Variants in SPC24 observed in about 807,000 individuals in gnomAD.
The protein encoded by SPC24 is kinetochore protein Spc24.
Under a neutral mutation model 27.6 loss-of-function variants are expected in SPC24, and 31 were observed. That is an observed-to-expected ratio of 1.12 (90% CI 0.84 to 1.52). SPC24 has a LOEUF of 1.52. Ranked by LOEUF, SPC24 falls within the 40% of genes most tolerant of loss-of-function variation. SPC24 has a pLI of 0.00. For synonymous variants in SPC24, 105 were observed against 105.8 expected (o/e 0.99, Z 0.05); for missense variants, 284 against 252.5 (o/e 1.12, Z -0.84).
At position 11,145,637 on chromosome 19, in the gene SPC24, C is replaced by A. The variant is rs1384156589; in HGVS notation, c.*1546G>T. 6.6e-6 allele frequency: 1 copy of A among 152,174 alleles called. No homozygotes were observed. The highest frequency in any genetic ancestry group is 2.4e-5 in the African/African-American group (1 of 41,438). 9.4% of individuals were successfully genotyped at this position (152,174 alleles called of 1,614,324 possible). On this transcript the variant is annotated 3_prime_UTR_variant, in exon 5 of 5. Transcript: ENST00000592540. ...AGTTTGTGCTGATATCTGGCTCTGCCATCATCAGGGAACCAGGCTCCTGTC... is the reference window on the plus strand; with the variant it reads ...AGTTTGTGCTGATATCTGGCTCTGCAATCATCAGGGAACCAGGCTCCTGTC...
intron 1 of SPC24, among the ~76,000 whole-genome samples, chr19:11,153,849 T>G (rs918880478): frequency 6.6e-6 from 1 of 150,756 alleles, no homozygotes; most frequent in Admixed American, 6.6e-5. Flanking sequence ...GTGTGGATCA[T>G]GAGGTCAGGA....
rs750768728 is a variant in SPC24 at position 11,155,758 on chromosome 19, T to C, written c.19A>G (p.Ile7Val). MAAFRD[I>V]EEVSQGLLSL... Reference sequence around the variant, plus strand: ...AGCAGCCCCTGGCTCACCTCCTCTATGTCGCGGAAGGCGGCCATGACTACG... The same window carrying C: ...AGCAGCCCCTGGCTCACCTCCTCTACGTCGCGGAAGGCGGCCATGACTACG... The change falls in exon 1 of 5, where the codon ATA becomes GTA. Residue 7 changes from isoleucine to valine, a missense_variant. By Grantham distance (29) the Ile-to-Val change is conservative. Coordinates refer to ENST00000592540, the MANE Select transcript of SPC24 (RefSeq NM_182513.4). 6 of 1,550,796 alleles carry C rather than the reference T, an allele frequency of 3.9e-6. No individual in the cohort carries two copies. Among genetic ancestry groups the C allele is most frequent in the East Asian group, 2.4e-5 (1 of 42,120 alleles).
In SPC24 at chr19:11,155,718, G is replaced by A; in HGVS notation, c.59C>T (p.Ala20Val). Residue 20 changes from alanine (A) to valine (V), a missense_variant, in exon 1 of 5, where the codon GCC (alanine) becomes GTC (valine). Ala to Val is a moderately conservative substitution (Grantham distance 64, BLOSUM62 0). Coordinates refer to ENST00000592540, the MANE Select transcript of SPC24 (RefSeq NM_182513.4). ...VSQGLLSLLGANRAEAQQRRL... is the reference protein window; with the variant it reads ...VSQGLLSLLGVNRAEAQQRRL... ...TCGCTGCTGCGCCTCCGCGCGGTTG[G>A]CGCCCAGCAGGCTGAGCAGCCCCTG... The A allele has an allele frequency of 6.3e-7, 1 of 1,577,094 alleles. No individual in the cohort carries two copies.
In SPC24 at chr19:11,147,757, C is replaced by T. The variant is rs2077837619; in HGVS notation, c.487+61G>A. 2.8e-6 allele frequency: 4 copies of T among 1,454,378 alleles called. No homozygotes were observed. The East Asian group carries it at 9.3e-5, about 34-fold the overall frequency. The allele number at this position is 1,454,378 out of a possible 1,614,324, so 90.1% of individuals were successfully genotyped here. A position where few individuals can be genotyped will look rare whatever the true frequency, so the allele number is the denominator to read the frequency against. On this transcript the variant is annotated intron_variant, in intron 4 of 4. Transcript: ENST00000592540. ...CTAATTTTTACAGGGTCCTGCTATG[C>T]ACCATTTTATGTCCCTACCTACAGT... is the stretch of plus-strand genomic sequence containing the variant.
intron 1 of SPC24, among the ~76,000 whole-genome samples, chr19:11,153,913 T>A (rs28793743): frequency 0.72 from 107,415 of 150,224 alleles, 38,729 homozygotes; most frequent in Non-Finnish European, 0.78. Flanking sequence ...TAAAAAAATA[T>A]ATATAAAAAT....
intron 4 of SPC24, 84 bp downstream of exon 4, chr19:11,147,734 A>G: frequency 7.9e-7 from 1 of 1,273,208 alleles, no homozygotes; most frequent in Admixed American, 2.0e-5. Context: ...ACACCCGGCT[A>G]ATTTTTACAG....
rs921554850 is a variant in SPC24, at chr19:11,147,269, C to G, written c.508G>C (p.Ala170Pro). The G allele has an allele frequency of 2.6e-6, 4 of 1,567,178 alleles. No homozygotes were observed. In the African/African-American group the frequency reaches 5.4e-5, roughly 21 times the overall value. The stretch of plus-strand genomic sequence containing the variant: ...GTGCTGTCCAGGTGGATGGGCTGGG[C>G]CACACTGGGGCCATGATGGACTGAG... ...VKGIHHGPSV[A>P]QPIHLDSTQL... The change falls in exon 5 of 5, where the codon GCC becomes CCC. Residue 170 changes from alanine (A) to proline (P), a missense_variant. By Grantham distance (27) the Ala-to-Pro change is conservative. Coordinates refer to ENST00000592540, the MANE Select transcript of SPC24 (RefSeq NM_182513.4).
chr19:11,148,366 C>T (rs2147314298), intron 2 of SPC24, among the ~76,000 whole-genome samples: 1 of 152,224 alleles, frequency 6.6e-6, no homozygotes, highest in South Asian at 2.1e-4. Flanking sequence ...CACCACCATG[C>T]CCTGCTAATT....
At chr19:11,155,398 A>G (rs1487731608) in intron 1 of SPC24, among the ~76,000 whole-genome samples, 1 of 152,130 alleles carries the variant, frequency 6.6e-6, no homozygotes, top group Non-Finnish European at 1.5e-5. Context: ...CCAGACTCCT[A>G]TATTTACCAC....
In SPC24 at chr19:11,146,479, A is replaced by AAAAAAAAAAAAAAAAAAG. The variant is rs1283117437; in HGVS notation, c.*703_*704insCTTTTTTTTTTTTTTTTT. ...AAGAAATCCAGTAAAAAAAAAAAAAAAAAAGGCCAGGCGCGGTGACTCACA... is the reference window on the plus strand; with the variant it reads ...AAGAAATCCAGTAAAAAAAAAAAAAAAAAAAAAAAAAAAAAAAGAAAAGGCCAGGCGCGGTGACTCACA... On this transcript the variant is annotated 3_prime_UTR_variant, in exon 5 of 5. Coordinates refer to ENST00000592540, the MANE Select transcript of SPC24 (RefSeq NM_182513.4). 1 of 144,072 alleles carries AAAAAAAAAAAAAAAAAAG rather than the reference A, an allele frequency of 6.9e-6. No homozygotes were observed. Among genetic ancestry groups the AAAAAAAAAAAAAAAAAAG allele is most frequent in the Admixed American group, 7.1e-5 (1 of 14,174 alleles). 8.9% of individuals were successfully genotyped at this position (144,072 alleles called of 1,614,324 possible). A position where few individuals can be genotyped will look rare whatever the true frequency, so the allele number is the denominator to read the frequency against.
intron 2 of SPC24, 77 bp downstream of exon 2, chr19:11,149,017 G>A (rs1014401705): frequency 1.2e-5 from 16 of 1,363,438 alleles, no homozygotes; most frequent in African/African-American, 1.5e-5. Context: ...AAAGTGCTGG[G>A]ATTACAGGCT....
rs1255657612 is a variant in SPC24 at position 11,146,464 on chromosome 19, G to GGAAAAAAAA, written c.*718_*719insTTTTTTTTC. The GGAAAAAAAA allele has an allele frequency of 9.5e-5, 1 of 10,544 alleles. No individual in the cohort carries two copies. The highest frequency in any genetic ancestry group is 3.7e-4 in the Non-Finnish European group (1 of 2,714). The allele number at this position is 10,544 out of a possible 1,614,324, so 0.7% of individuals were successfully genotyped here. On this transcript the variant is annotated 3_prime_UTR_variant, in exon 5 of 5. Transcript: ENST00000592540. Reference sequence around the variant, plus strand: ...GAAAATCAGGAGAAAAAGAAATCCAGTAAAAAAAAAAAAAAAAAAGGCCAG... The same window carrying GGAAAAAAAA: ...GAAAATCAGGAGAAAAAGAAATCCAGGAAAAAAAATAAAAAAAAAAAAAAAAAAGGCCAG...
intron 1 of SPC24, among the ~76,000 whole-genome samples, chr19:11,149,945 C>T (rs1339551101): frequency 6.6e-6 from 1 of 151,316 alleles, no homozygotes; most frequent in Admixed American, 6.6e-5. Flanking sequence ...CTGCTGACCT[C>T]GTGATCCACC....
chr19:11,153,852 G>A (rs1048505856), intron 1 of SPC24, among the ~76,000 whole-genome samples: 1 of 151,534 alleles, frequency 6.6e-6, no homozygotes, highest in Admixed American at 6.6e-5. Flanking sequence ...TGGATCATGA[G>A]GTCAGGAGAT....
Position 11,147,271 on chromosome 19 carries a change from A to T in SPC24, c.506T>A (p.Val169Glu). Residue 169 changes from valine to glutamate, a missense_variant, in exon 5 of 5, where the codon GTG becomes GAG. Transcript: ENST00000592540. ...GCTGTCCAGGTGGATGGGCTGGGCCACACTGGGGCCATGATGGACTGAGGC... is the reference window on the plus strand; with the variant it reads ...GCTGTCCAGGTGGATGGGCTGGGCCTCACTGGGGCCATGATGGACTGAGGC... Reference protein sequence around the residue: ...MVKGIHHGPSVAQPIHLDSTQ... With the variant: ...MVKGIHHGPSEAQPIHLDSTQ... 6.4e-7 allele frequency: 1 copy of T among 1,567,284 alleles called. No homozygotes were observed. Among genetic ancestry groups the T allele is most frequent in the Non-Finnish European group, 8.7e-7 (1 of 1,155,312 alleles).
At chr19:11,147,358 C>T (rs1600785412) in intron 4 of SPC24, 69 bp from the exon 5 acceptor site, 1 of 1,093,652 alleles carries the variant, frequency 9.1e-7, no homozygotes. Context: ...GAAAAGGATA[C>T]TGCCTTTACT....
In SPC24 at chr19:11,148,013, A is replaced by G; in HGVS notation, c.410T>C (p.Val137Ala). ...EDTTVTIPSA[V>A]YVAQLYHQVS... ...AGGCACACGTTTTGGCAGAACCTAC[A>G]CGGCCGAGGGGATTGTGACTGTCGT... The change falls in exon 3 of 5, where the codon GTG becomes GCG. Residue 137 changes from valine (V) to alanine (A), a missense_variant and splice_region_variant. Transcript: ENST00000592540. 1 of 1,612,608 alleles carries G rather than the reference A, an allele frequency of 6.2e-7. No homozygotes were observed. The highest frequency in any genetic ancestry group is 8.5e-7 in the Non-Finnish European group (1 of 1,179,514).
In SPC24 at chr19:11,147,995, C is replaced by T. The variant is rs545521535; in HGVS notation, c.410+18G>A. 16 of 1,611,696 alleles carry T rather than the reference C, an allele frequency of 9.9e-6. No individual in the cohort carries two copies. The highest frequency in any genetic ancestry group is 2.2e-5 in the East Asian group (1 of 44,844). Reference sequence around the variant, plus strand: ...GCACAAGGAGGCACAGGCAGGCACACGTTTTGGCAGAACCTACACGGCCGA... The same window carrying T: ...GCACAAGGAGGCACAGGCAGGCACATGTTTTGGCAGAACCTACACGGCCGA... On this transcript the variant is annotated intron_variant, in intron 3 of 4. Transcript: ENST00000592540.
In SPC24 at chr19:11,147,154, G is replaced by C. The variant is rs1255696985; in HGVS notation, c.*29C>G. ...ATCTGACCACGGCAGATGCCCGCTG[G>C]GTGCAAGACGCAGCCACGAGGCTCC... is the stretch of plus-strand genomic sequence containing the variant. On this transcript the variant is annotated 3_prime_UTR_variant, in exon 5 of 5. Transcript: ENST00000592540. 7.0e-7 allele frequency: 1 copy of C among 1,419,994 alleles called. No homozygotes were observed. The highest frequency in any genetic ancestry group is 1.4e-5 in the African/African-American group (1 of 69,952). The allele number at this position is 1,419,994 out of a possible 1,614,324, so 88.0% of individuals were successfully genotyped here.
Sources: allele counts gnomAD v4.1 joint callset (sites outside exome capture counted in the v4.1 genomes callset), GRCh38; gene constraint gnomAD v4.1.1; transcripts MANE v1.5; gene names NCBI Gene and HGNC (gene_info 2026-07-23, HGNC 2026-07-21).